Variants in TRPM2 observed in about 807,000 individuals in gnomAD.
The protein encoded by TRPM2 is estrogen-responsive element-associated gene 1 protein.
TRPM2 carries 161 observed loss-of-function variants against 174.0 expected under a neutral mutation model. The ratio of observed to expected loss-of-function variants is 0.93; its 90% CI spans 0.81 to 1.05. The LOEUF is 1.05. TRPM2 is among the 50% of genes least tolerant of loss of function. The pLI, the probability that TRPM2 is intolerant of heterozygous loss-of-function variation, is 0.00. For missense variants in TRPM2, 2,057 were observed against 2,038.0 expected (o/e 1.01, Z -0.18); for synonymous variants, 954 against 861.3 (o/e 1.11, Z -1.88).
intron 16 of TRPM2, among the ~76,000 whole-genome samples, chr21:44,404,176 C>G (rs1437699235): frequency 6.6e-6 from 1 of 151,808 alleles, no homozygotes; most frequent in Non-Finnish European, 1.5e-5. Flanking sequence ...TATACACATG[C>G]ACACACAAAA....
At chr21:44,417,557 C>G (rs1260258061) in intron 20 of TRPM2, among the ~76,000 whole-genome samples, 1 of 111,298 alleles carries the variant, frequency 9.0e-6, no homozygotes, top group Non-Finnish European at 1.8e-5. Context: ...TGGCTCTGCT[C>G]TCTGGCATCA....
chr21:44,431,054 C>T (rs912583887), intron 27 of TRPM2, among the ~76,000 whole-genome samples: 116 of 147,430 alleles, frequency 7.9e-4, no homozygotes, highest in Middle Eastern at 3.9e-3. Flanking sequence ...CTTAATTTTT[C>T]GATCTCATCC....
chr21:44,409,499 C>A (rs994025045), intron 19 of TRPM2, among the ~76,000 whole-genome samples: 2 of 151,008 alleles, frequency 1.3e-5, no homozygotes, highest in Admixed American at 6.6e-5. Flanking sequence ...TAAGTTTTGA[C>A]CGCACTGTCT....
Position 44,438,407 on chromosome 21 carries a change from T to C in TRPM2, c.4168-660T>C, listed in dbSNP as rs2074368212. Among the ~76,000 whole-genome samples, 1 of 152,152 alleles carries C rather than the reference T, an allele frequency of 6.6e-6. No homozygotes were observed. The highest frequency in any genetic ancestry group is 6.5e-5 in the Admixed American group (1 of 15,286). ...GGGGCACTCTGAGGGGCCTCCTGGG[T>C]TCCTGGCTCTGTAGGGCACGCACGC... On this transcript the variant is annotated intron_variant, in intron 29 of 31. Transcript: ENST00000397928. The surrounding 1 kb of genome is among the most constrained non-coding windows in gnomAD (Gnocchi z 5.9).
At position 44,378,850 on chromosome 21, in the gene TRPM2, G is replaced by C. The variant is rs564575239; in HGVS notation, c.1015-147G>C. 4 of 839,234 alleles carry C rather than the reference G, an allele frequency of 4.8e-6. No homozygotes were observed. The South Asian group carries it at 6.8e-5, about 14-fold the overall frequency. The allele number at this position is 839,234 out of a possible 1,614,324, so 52.0% of individuals were successfully genotyped here. On this transcript the variant is annotated intron_variant, in intron 7 of 31. Coordinates refer to ENST00000397928, the MANE Select transcript of TRPM2 (RefSeq NM_003307.4). The stretch of plus-strand genomic sequence containing the variant: ...TCCCTCTTCCCCCAGAGCAGGGGAC[G>C]CCACGAAACTAATAAGTGCTTTCAG...
intron 19 of TRPM2, among the ~76,000 whole-genome samples, chr21:44,407,331 G>A (rs1003686438): frequency 6.7e-6 from 1 of 148,914 alleles, no homozygotes; most frequent in Admixed American, 6.8e-5. Context: ...TTCAGCATGT[G>A]GCCCAGGCTA....
intron 19 of TRPM2, among the ~76,000 whole-genome samples, chr21:44,408,269 GAATAACGT>G (rs2049973023): frequency 6.6e-6 from 1 of 152,032 alleles, no homozygotes; most frequent in South Asian, 2.1e-4. Context: ...CACATGCTGT[GAATAACGT>G]AGCATGAACA....
At position 44,405,951 on chromosome 21, in the gene TRPM2, G is replaced by A. The variant is rs1339446648; in HGVS notation, c.2704G>A (p.Asp902Asn). The A allele has an allele frequency of 6.2e-7, 1 of 1,608,068 alleles. No individual in the cohort carries two copies. The highest frequency in any genetic ancestry group is 8.5e-7 in the Non-Finnish European group (1 of 1,179,754). The part of the protein sequence containing the change: ...LYPGRVILSL[D>N]FILFCLRLMH... ...CCCCGGGCGCGTCATCCTCTCTCTG[G>A]ACTTCATCCTGTTCTGCCTCCGGCT... The change falls in exon 18 of 32, where the codon GAC becomes AAC. Residue 902 changes from aspartate to asparagine, a missense_variant. Physicochemically the swap from Asp to Asn is conservative, Grantham distance 23 (BLOSUM62 1). Coordinates refer to ENST00000397928, the MANE Select transcript of TRPM2 (RefSeq NM_003307.4).
chr21:44,370,232 A>T (rs1315806102), intron 5 of TRPM2, among the ~76,000 whole-genome samples: 1 of 152,120 alleles, frequency 6.6e-6, no homozygotes, highest in Non-Finnish European at 1.5e-5. Flanking sequence ...GGGCTGAGCC[A>T]GGGCGATCCG....
intron 12 of TRPM2, among the ~76,000 whole-genome samples, chr21:44,396,374 G>T (rs1448640408): frequency 1.3e-3 from 1 of 748 alleles, no homozygotes. Flanking sequence ...GTGTGGAGGG[G>T]TGTGGAGGGG....
rs372707236 is a variant in TRPM2 at position 44,399,290 on chromosome 21, G to C, written c.2063-6G>C. 1 of 1,611,052 alleles carries C rather than the reference G, an allele frequency of 6.2e-7. No homozygotes were observed. Among genetic ancestry groups the C allele is most frequent in the Non-Finnish European group, 8.5e-7 (1 of 1,178,960 alleles). On this transcript the variant is annotated splice_region_variant and splice_polypyrimidine_tract_variant and intron_variant, in intron 13 of 31. Transcript: ENST00000397928. The surrounding 1 kb of genome is among the most constrained non-coding windows in gnomAD (Gnocchi z 4.6). ...GCTCTGACGGGGCTCTCATATCTCC[G>C]CCCAGGGGTCTTCACCGAGTGCTAC... is the stretch of plus-strand genomic sequence containing the variant.
rs939175308 is a variant in TRPM2, at chr21:44,438,012, G to A, written c.4167+845G>A. 1.4e-4 allele frequency among the ~76,000 whole-genome samples: 22 copies of A among 152,244 alleles called. No individual in the cohort carries two copies. Among genetic ancestry groups the A allele is most frequent in the African/African-American group, 4.6e-4 (19 of 41,462 alleles). ...TGCATTTCTCTGACCCCGAGCTCAC[G>A]GCCTGGTGGCTGCCTCTGCTGCTGT... On this transcript the variant is annotated intron_variant, in intron 29 of 31. Coordinates refer to ENST00000397928, the MANE Select transcript of TRPM2 (RefSeq NM_003307.4). The surrounding 1 kb of genome is among the most constrained non-coding windows in gnomAD (Gnocchi z 5.9).
intron 2 of TRPM2, among the ~76,000 whole-genome samples, chr21:44,363,181 T>C (rs1007994805): frequency 2.0e-5 from 3 of 152,230 alleles, no homozygotes; most frequent in African/African-American, 7.2e-5. Context: ...GATTGTAGCG[T>C]GTGTAGGTTT....
chr21:44,351,379 C>T (rs1035510993), upstream of TRPM2, among the ~76,000 whole-genome samples: 7 of 152,222 alleles, frequency 4.6e-5, no homozygotes, highest in African/African-American at 1.4e-4. Flanking sequence ...CTCCACTGCC[C>T]CCTTTCTCCG....
At chr21:44,423,490 G>T in intron 22 of TRPM2, 155 bp from the exon 23 acceptor site, 1 of 669,162 alleles carries the variant, frequency 1.5e-6, no homozygotes. Flanking sequence ...TTCTATGGGA[G>T]AAATGCATGT....
intron 18 of TRPM2, 148 bp from the exon 19 acceptor site, chr21:44,406,446 C>A (rs1430944945): frequency 1.9e-5 from 18 of 958,210 alleles, no homozygotes; most frequent in Non-Finnish European, 2.7e-5. Flanking sequence ...GGTGTGGGGG[C>A]AGCCCCAGGA....
In TRPM2 at chr21:44,369,167, C is replaced by T. The variant is rs1380877810; in HGVS notation, c.605-10C>T. 4 of 1,596,092 alleles carry T rather than the reference C, an allele frequency of 2.5e-6. No individual in the cohort carries two copies. The Admixed American group carries it at 5.2e-5, about 21-fold the overall frequency. On this transcript the variant is annotated splice_polypyrimidine_tract_variant and intron_variant, in intron 4 of 31. Transcript: ENST00000397928. ...GCTGTGGGGCCTGCCCACCCGTGCT[C>T]CTTCCCCAGGGGCCTGGATCATCAC...
At chr21:44,390,817 C>G in intron 9 of TRPM2, 87 bp from the exon 10 acceptor site, 3 of 1,575,334 alleles carry the variant, frequency 1.9e-6, no homozygotes, top group Non-Finnish European at 2.6e-6. Context: ...GGGCTCATGA[C>G]ACATCCCTGA....
intron 3 of TRPM2, among the ~76,000 whole-genome samples, chr21:44,364,632 G>T (rs940868097): frequency 6.6e-6 from 1 of 152,132 alleles, no homozygotes; most frequent in African/African-American, 2.4e-5. Context: ...GCAGGACACA[G>T]ATGCGCTCAG....
Sources: allele counts gnomAD v4.1 joint callset (sites outside exome capture counted in the v4.1 genomes callset), GRCh38; gene constraint gnomAD v4.1.1; non-coding constraint Gnocchi (gnomAD v3.1); transcripts MANE v1.5; gene names NCBI Gene and HGNC (gene_info 2026-07-23, HGNC 2026-07-21).